Variants in FBXL17 observed in about 807,000 individuals in gnomAD.
The protein encoded by FBXL17 is F-box/LRR-repeat protein 17.
Under a neutral mutation model 66.2 loss-of-function variants are expected in FBXL17, and 22 were observed. The observed-to-expected ratio is 0.33, with a 90% CI of 0.24 to 0.47. The LOEUF is 0.47. FBXL17 is among the 20% of genes least tolerant of loss of function. The probability of loss-of-function intolerance (pLI) is 1.00; values close to 1 mark genes in which losing one functional copy is unlikely to be tolerated. For synonymous variants in FBXL17, 474 were observed against 400.5 expected (o/e 1.18, Z -2.19); for missense variants, 878 against 948.2 (o/e 0.93, Z 0.97).
chr5:108,034,240 A>C (rs1410580260), intron 6 of FBXL17, among the ~76,000 whole-genome samples: 1 of 152,188 alleles, frequency 6.6e-6, no homozygotes, highest in Non-Finnish European at 1.5e-5. Context: ...ATCTCTAATG[A>C]GTTGAACTGG....
At chr5:107,946,527 C>T (rs1325854405) in intron 7 of FBXL17, among the ~76,000 whole-genome samples, 1 of 150,248 alleles carries the variant, frequency 6.7e-6, no homozygotes, top group Non-Finnish European at 1.5e-5. Context: ...GGCTGGCCTC[C>T]AACTCCTGGC....
intron 6 of FBXL17, among the ~76,000 whole-genome samples, chr5:108,156,494 T>G (rs1320098585): frequency 6.6e-6 from 1 of 151,980 alleles, no homozygotes; most frequent in African/African-American, 2.4e-5. Context: ...AGTATTTTTT[T>G]TAAGTCATCA....
intron 4 of FBXL17, among the ~76,000 whole-genome samples, chr5:108,236,077 G>A (rs1755587708): frequency 6.6e-6 from 1 of 152,198 alleles, no homozygotes; most frequent in Non-Finnish European, 1.5e-5. Flanking sequence ...TGGGATTAGT[G>A]GCACATGCCT....
At chr5:107,903,602 G>C (rs548050332) in intron 7 of FBXL17, among the ~76,000 whole-genome samples, 1 of 152,266 alleles carries the variant, frequency 6.6e-6, no homozygotes, top group East Asian at 1.9e-4. Flanking sequence ...ATTGAGGTCT[G>C]CCTGGTCCAG....
At chr5:108,306,959 T>C (rs1055343913) in intron 4 of FBXL17, among the ~76,000 whole-genome samples, 13 of 152,110 alleles carry the variant, frequency 8.5e-5, no homozygotes, top group Non-Finnish European at 1.8e-4. Context: ...ATCCCTCCCA[T>C]TTATTGGTTC....
chr5:107,918,531 C>T (rs1314303428), intron 7 of FBXL17, among the ~76,000 whole-genome samples: 1 of 151,998 alleles, frequency 6.6e-6, no homozygotes, highest in Non-Finnish European at 1.5e-5. Flanking sequence ...ATCAGGGTAG[C>T]CAAACAATTT....
intron 4 of FBXL17, among the ~76,000 whole-genome samples, chr5:108,306,709 G>A (rs1758857627): frequency 6.6e-6 from 1 of 151,784 alleles, no homozygotes; most frequent in African/African-American, 2.4e-5. Context: ...TAAAAGACAG[G>A]GGATAGCATT....
intron 4 of FBXL17, among the ~76,000 whole-genome samples, chr5:108,240,699 G>A (rs898922753): frequency 6.6e-6 from 1 of 152,126 alleles, no homozygotes; most frequent in Non-Finnish European, 1.5e-5. Flanking sequence ...GAGTACTAGG[G>A]CCTTGACTGA....
At chr5:108,374,740 G>A (rs565406643) in intron 1 of FBXL17, among the ~76,000 whole-genome samples, 1 of 152,008 alleles carries the variant, frequency 6.6e-6, no homozygotes, top group East Asian at 1.9e-4. Context: ...ATCACTAACA[G>A]GAGGAAATCT....
At chr5:108,326,252 A>C (rs974005544) in intron 4 of FBXL17, among the ~76,000 whole-genome samples, 2 of 152,138 alleles carry the variant, frequency 1.3e-5, no homozygotes, top group Non-Finnish European at 2.9e-5. Flanking sequence ...TATCAAAAAT[A>C]TAGAACTCTT....
intron 6 of FBXL17, among the ~76,000 whole-genome samples, chr5:108,179,819 ATTT>A (rs577740024): frequency 1.3e-3 from 202 of 152,320 alleles, no homozygotes; most frequent in African/African-American, 4.8e-3. Context: ...ATGAACTATT[ATTT>A]TTTAATATAT....
chr5:108,327,375 T>C (rs1375660305), intron 4 of FBXL17, among the ~76,000 whole-genome samples: 5 of 152,218 alleles, frequency 3.3e-5, no homozygotes, highest in South Asian at 2.1e-4. Context: ...AACCTTCTTA[T>C]TGTTTAAGCA....
rs553452818 is a variant in FBXL17 at position 108,178,144 on chromosome 5, G to C, written c.1745+7973C>G. Reference sequence around the variant, plus strand: ...AGTCTCAAGCAATCTTCCCAGTCTCGAGCTATCCTCCCAGCTCAGCCTCCT... The same window carrying C: ...AGTCTCAAGCAATCTTCCCAGTCTCCAGCTATCCTCCCAGCTCAGCCTCCT... On this transcript the variant is annotated intron_variant, in intron 6 of 8. Transcript: ENST00000542267. Among the ~76,000 whole-genome samples, 323 of 151,806 alleles carry C rather than the reference G, an allele frequency of 2.1e-3. 1 individual carries two copies. The highest frequency in any genetic ancestry group is 7.4e-3 in the African/African-American group (307 of 41,422).
At chr5:107,918,984 T>G (rs1580711592) in intron 7 of FBXL17, among the ~76,000 whole-genome samples, 1 of 152,332 alleles carries the variant, frequency 6.6e-6, no homozygotes, top group East Asian at 1.9e-4. Flanking sequence ...AGAGGCTGTG[T>G]GATGAACCTG....
intron 6 of FBXL17, among the ~76,000 whole-genome samples, chr5:108,112,662 T>C (rs2149954779): frequency 6.6e-6 from 1 of 152,194 alleles, no homozygotes; most frequent in African/African-American, 2.4e-5. Context: ...ATAGAATTAG[T>C]GAACAAGGCA....
At chr5:108,049,597 T>C (rs923340885) in intron 6 of FBXL17, among the ~76,000 whole-genome samples, 1 of 151,914 alleles carries the variant, frequency 6.6e-6, no homozygotes, top group Admixed American at 6.6e-5. Context: ...GCTCTAAATA[T>C]GGAAAGGAAA....
chr5:108,233,181 G>T (rs997369763), intron 4 of FBXL17, among the ~76,000 whole-genome samples: 8 of 117,504 alleles, frequency 6.8e-5, no homozygotes, highest in South Asian at 2.5e-4. Flanking sequence ...TTTCACAATT[G>T]TTTTTTTTGC....
chr5:108,149,159 T>A (rs868866010), intron 6 of FBXL17, among the ~76,000 whole-genome samples: 1 of 152,216 alleles, frequency 6.6e-6, no homozygotes, highest in Non-Finnish European at 1.5e-5. Context: ...TGACAATGAT[T>A]TATAGACATA....
intron 3 of FBXL17, among the ~76,000 whole-genome samples, chr5:108,354,726 TTAAAAAAAAAAA>T (rs1307290753): frequency 1.4e-5 from 2 of 142,196 alleles, no homozygotes; most frequent in Non-Finnish European, 3.1e-5. Context: ...AAATCAAAGG[TTAAAAAAAAAAA>T]GAAAAAAAAA....
Sources: allele counts gnomAD v4.1 joint callset (sites outside exome capture counted in the v4.1 genomes callset), GRCh38; gene constraint gnomAD v4.1.1; transcripts MANE v1.5; gene names NCBI Gene and HGNC (gene_info 2026-07-23, HGNC 2026-07-21).